Variants in SLC4A5 observed in about 807,000 individuals in gnomAD.
SLC4A5 encodes solute carrier family 4 member 5.
SLC4A5 carries 96 observed loss-of-function variants against 120.4 expected under a neutral mutation model. That is an observed-to-expected ratio of 0.80 (90% CI 0.68 to 0.94). The LOEUF (loss-of-function observed/expected upper bound fraction) is 0.94. Ranked by LOEUF, SLC4A5 falls within the 40% of genes least tolerant of loss-of-function variation. The pLI, the probability that SLC4A5 is intolerant of heterozygous loss-of-function variation, is 0.00. For synonymous variants in SLC4A5, 550 were observed against 571.1 expected (o/e 0.96, Z 0.53); for missense variants, 1,259 against 1,459.5 (o/e 0.86, Z 2.24).
exon 16 of SLC4A5, chr2:74,252,194 A>G: frequency 6.2e-7 from 1 of 1,612,848 alleles, no homozygotes; most frequent in Non-Finnish European, 8.5e-7. Context: ...TGTCCAGATA[A>G]GTTCCTCCCC....
intron 25 of SLC4A5, among the ~76,000 whole-genome samples, chr2:74,228,365 C>T (rs1694922501): frequency 6.6e-6 from 1 of 152,176 alleles, no homozygotes. Context: ...TGGTGGCTCA[C>T]ACCTGTAGTC....
intron 17 of SLC4A5, among the ~76,000 whole-genome samples, chr2:74,249,225 A>G (rs1359313917): frequency 6.6e-6 from 1 of 152,094 alleles, no homozygotes; most frequent in Non-Finnish European, 1.5e-5. Flanking sequence ...GTGTGCTGGG[A>G]TAGGTTTAGG....
intron 8 of SLC4A5, among the ~76,000 whole-genome samples, chr2:74,280,157 T>G (rs753627590): frequency 6.6e-5 from 10 of 152,142 alleles, no homozygotes; most frequent in Non-Finnish European, 1.0e-4. Context: ...CTGCCTCCTA[T>G]TCTACAGTCC....
chr2:74,245,850 C>T (rs888440459), intron 19 of SLC4A5, among the ~76,000 whole-genome samples: 1 of 152,212 alleles, frequency 6.6e-6, no homozygotes, highest in African/African-American at 2.4e-5. Context: ...CCACTATCCA[C>T]TTATTTCCTT....
rs1359474743 is a variant in SLC4A5, at chr2:74,322,202, AT to A, written c.-3+5917del. On this transcript the variant is annotated intron_variant, in intron 5 of 30. Coordinates refer to ENST00000394019, the Ensembl canonical transcript of SLC4A5. The stretch of plus-strand genomic sequence containing the variant: ...TCCTGTTATCTGAAAAAAAAAAAAA[AT>A]CTCTATATTTAAACTGCTAGCCAAG... Among the ~76,000 whole-genome samples the A allele has an allele frequency of 8.6e-5, 13 of 151,864 alleles. No homozygotes were observed. The South Asian group carries it at 1.7e-3, about 19-fold the overall frequency.
chr2:74,264,928 G>A (rs979358031), intron 9 of SLC4A5, among the ~76,000 whole-genome samples, 176 bp downstream of exon 9: 1 of 152,212 alleles, frequency 6.6e-6, no homozygotes, highest in African/African-American at 2.4e-5. Flanking sequence ...ACATGGTACT[G>A]AAACTTGGAG....
chr2:74,257,246 A>AC (rs1317707259), intron 12 of SLC4A5, among the ~76,000 whole-genome samples: 1 of 146,048 alleles, frequency 6.8e-6, no homozygotes, highest in Admixed American at 6.7e-5. Context: ...ATCCAATCAG[A>AC]CAAAAAAAAA....
At chr2:74,247,916 G>T (rs899950116) in intron 18 of SLC4A5, among the ~76,000 whole-genome samples, 4 of 152,152 alleles carry the variant, frequency 2.6e-5, no homozygotes, top group African/African-American at 4.8e-5. Context: ...GTGAAAAACA[G>T]GGAATTTTGG....
intron 6 of SLC4A5, chr2:74,307,820 C>T (rs1368528967): frequency 6.2e-6 from 3 of 486,404 alleles, no homozygotes; most frequent in Non-Finnish European, 1.2e-5. Flanking sequence ...ATCCCCATGC[C>T]AGGCCCCCAG....
rs766313409 is a variant in SLC4A5 at position 74,248,430 on chromosome 2, G to C, written c.1710C>G (p.Phe570Leu). 6.8e-6 allele frequency: 11 copies of C among 1,614,180 alleles called. No homozygotes were observed. In the South Asian group the frequency reaches 1.2e-4, roughly 18 times the overall value. The stretch of plus-strand genomic sequence containing the variant: ...TGAGAATGATGAGAGGCTGTCCCGA[G>C]AAGAGGCAGAACAAGGAGCCAGCCA... The change falls in exon 18 of 31, where the codon TTC becomes TTG. Residue 570 changes from phenylalanine to leucine, a missense_variant. By Grantham distance (22) the Phe-to-Leu change is conservative. Coordinates refer to ENST00000394019, the Ensembl canonical transcript of SLC4A5.
chr2:74,290,324 C>T, intron 7 of SLC4A5: 12 of 985,506 alleles, frequency 1.2e-5, no homozygotes, highest in Non-Finnish European at 1.4e-5. Flanking sequence ...GCTGCTGCCT[C>T]CCTGGCTGCT....
At chr2:74,276,151 G>A (rs1390530707) in intron 8 of SLC4A5, among the ~76,000 whole-genome samples, 2 of 152,074 alleles carry the variant, frequency 1.3e-5, no homozygotes, top group Non-Finnish European at 2.9e-5. Context: ...GAGAGGAGAA[G>A]GAGAGAAAAA....
At chr2:74,232,607 A>G (rs779983113) in exon 24 of SLC4A5, 20 of 1,613,698 alleles carry the variant, frequency 1.2e-5, no homozygotes, top group Non-Finnish European at 8.5e-7. Flanking sequence ...AGCCATGAGG[A>G]TGCCCACCCA....
At chr2:74,303,479 A>G (rs1467746416) in intron 7 of SLC4A5, among the ~76,000 whole-genome samples, 2 of 152,216 alleles carry the variant, frequency 1.3e-5, no homozygotes, top group Admixed American at 6.5e-5. Context: ...CAGGTTTGGG[A>G]TATGCTGAGA....
chr2:74,330,686 A>G (rs1475275223), intron 4 of SLC4A5, among the ~76,000 whole-genome samples: 18 of 148,522 alleles, frequency 1.2e-4, no homozygotes, highest in African/African-American at 4.5e-4. Context: ...TGTGTGGTTT[A>G]GGTGTAGGTG....
chr2:74,223,334 A>G (rs1694724369), intron 28 of SLC4A5, among the ~76,000 whole-genome samples: 1 of 152,168 alleles, frequency 6.6e-6, no homozygotes, highest in Non-Finnish European at 1.5e-5. Flanking sequence ...CAAGATGGAA[A>G]ATGCATGCAT....
chr2:74,232,437 T>C (rs765921622), intron 24 of SLC4A5, 32 bp downstream of exon 24: 4 of 1,596,678 alleles, frequency 2.5e-6, no homozygotes, highest in Admixed American at 3.7e-5. Flanking sequence ...CCCCTCCCCA[T>C]TGGGTGATCC....
At chr2:74,248,592 T>A in intron 17 of SLC4A5, 106 bp from the exon 18 acceptor site, 1 of 1,352,780 alleles carries the variant, frequency 7.4e-7, no homozygotes, top group African/African-American at 1.5e-5. Context: ...ACAGTGTTTA[T>A]CCTTCGTTCT....
intron 19 of SLC4A5, among the ~76,000 whole-genome samples, chr2:74,245,394 G>A (rs932178594): frequency 6.6e-6 from 1 of 152,194 alleles, no homozygotes. Context: ...GCTTCTAGAA[G>A]CTATGTTTGT....
Sources: gnomAD v4.1 joint callset for allele counts (sites outside exome capture counted in the v4.1 genomes callset) on GRCh38, gnomAD v4.1.1 for gene constraint, MANE v1.5 for transcripts, NCBI Gene and HGNC (gene_info 2026-07-23, HGNC 2026-07-21) for gene names.